Variants in GBP1 observed in about 807,000 individuals in gnomAD.
GBP1 encodes guanylate-binding protein 1.
A neutral mutation model predicts 69.5 loss-of-function variants in GBP1; 64 were observed. That is an observed-to-expected ratio of 0.92 (90% CI 0.75 to 1.13). The LOEUF is 1.13. Among genes scored for constraint, GBP1 ranks in the 50% most tolerant of loss-of-function variants. GBP1 has a pLI of 0.00. For missense variants in GBP1, 630 were observed against 704.1 expected (o/e 0.89, Z 1.19); for synonymous variants, 250 against 261.2 (o/e 0.96, Z 0.41).
At position 89,053,279 on chromosome 1, in the gene GBP1, T is replaced by A. The variant is rs1570933985; in HGVS notation, c.*76A>T. 8 of 1,059,290 alleles carry A rather than the reference T, an allele frequency of 7.6e-6. No homozygotes were observed. In the East Asian group the frequency reaches 1.7e-4, roughly 23 times the overall value. The allele number at this position is 1,059,290 out of a possible 1,614,324, so 65.6% of individuals were successfully genotyped here. A position where few individuals can be genotyped will look rare whatever the true frequency, so the allele number is the denominator to read the frequency against. ...GATGCAAGATCTAATTATTATCAAA[T>A]GTAGTGACGCTTGTTCCAAATTCTA... is the stretch of plus-strand genomic sequence containing the variant. On this transcript the variant is annotated 3_prime_UTR_variant, in exon 11 of 11. Transcript: ENST00000370473.
intron 10 of GBP1, among the ~76,000 whole-genome samples, chr1:89,054,111 AT>A (rs1047924797): frequency 2.8e-4 from 42 of 148,452 alleles, no homozygotes; most frequent in South Asian, 2.7e-3. Flanking sequence ...AGAGATACAG[AT>A]TTTTTTTTTT....
At chr1:89,055,486 T>A in intron 8 of GBP1, 2 of 396,298 alleles carry the variant, frequency 5.0e-6, no homozygotes, top group Non-Finnish European at 9.3e-6. Context: ...AGTTTGGAAC[T>A]GTTAATGCTG....
chr1:89,063,042 C>T lies in GBP1; in HGVS notation c.190+3G>A. 3 of 1,614,032 alleles carry T rather than the reference C, an allele frequency of 1.9e-6. No homozygotes were observed. Among genetic ancestry groups the T allele is most frequent in the Non-Finnish European group, 2.5e-6 (3 of 1,179,926 alleles). On this transcript the variant is annotated splice_donor_region_variant and intron_variant, in intron 2 of 10. Coordinates refer to ENST00000370473, the MANE Select transcript of GBP1 (RefSeq NM_002053.3). ...TTGGCAGAGCTTTGCTCATGCCACTCACCCTTTTTCTTTCCAGCCAGCTTG... is the reference window on the plus strand; with the variant it reads ...TTGGCAGAGCTTTGCTCATGCCACTTACCCTTTTTCTTTCCAGCCAGCTTG...
rs759697957 is a variant in GBP1, at chr1:89,058,900, G to A, written c.572C>T (p.Ala191Val). 8 of 1,614,164 alleles carry A rather than the reference G, an allele frequency of 5.0e-6. No homozygotes were observed. The South Asian group carries it at 6.6e-5, about 13-fold the overall frequency. ...ATCTGGTGTGAGGGGTTGTCCATCT[G>A]CTTCCAAGTCCAGGGAGAAATCTCT... is the stretch of plus-strand genomic sequence containing the variant. ...TLRDFSLDLEADGQPLTPDEY... is the reference protein window; with the variant it reads ...TLRDFSLDLEVDGQPLTPDEY... The change falls in exon 5 of 11, where the codon GCA becomes GTA. Residue 191 changes from alanine (A) to valine (V), a missense_variant. By Grantham distance (64) the Ala-to-Val change is moderately conservative (BLOSUM62 0). Around this residue, in one of 5 missense-constraint regions of GBP1, gnomAD observed 367 missense variants for 369.5 expected, o/e 0.99. Coordinates refer to ENST00000370473, the MANE Select transcript of GBP1 (RefSeq NM_002053.3).
At chr1:89,058,324 G>T in intron 5 of GBP1, 90 bp from the exon 6 acceptor site, 1 of 1,134,642 alleles carries the variant, frequency 8.8e-7, no homozygotes, top group Non-Finnish European at 1.3e-6. Context: ...TCTTCAGGCT[G>T]GATGGTCTCT....
intron 8 of GBP1, 89 bp from the exon 9 acceptor site, chr1:89,055,304 G>A: frequency 6.3e-7 from 1 of 1,580,876 alleles, no homozygotes; most frequent in Non-Finnish European, 8.6e-7. Flanking sequence ...TTCTCCTCTG[G>A]GAATTCTTTC....
intron 4 of GBP1, 102 bp downstream of exon 4, chr1:89,059,215 T>C (rs1680119594): frequency 3.7e-6 from 6 of 1,611,110 alleles, no homozygotes; most frequent in Non-Finnish European, 4.2e-6. Context: ...TTTTGTTTTC[T>C]CCTTTTGAGC....
intron 5 of GBP1, chr1:89,058,487 A>G (rs1007050672): frequency 1.7e-5 from 9 of 519,426 alleles, no homozygotes; most frequent in African/African-American, 1.5e-4. Context: ...TAGTTTGCCA[A>G]TGCTTGGACT....
chr1:89,054,299 A>C (rs998789878), intron 10 of GBP1, among the ~76,000 whole-genome samples: 3 of 152,064 alleles, frequency 2.0e-5, no homozygotes, highest in Non-Finnish European at 4.4e-5. Context: ...ACGGGATTTC[A>C]CCGTGTTAGC....
At position 89,058,124 on chromosome 1, in the gene GBP1, C is replaced by A. The variant is rs1187141735; in HGVS notation, c.742G>T (p.Ala248Ser). 1 of 1,614,082 alleles carries A rather than the reference C, an allele frequency of 6.2e-7. No homozygotes were observed. Among genetic ancestry groups the A allele is most frequent in the East Asian group, 2.2e-5 (1 of 44,880 alleles). The change falls in exon 6 of 11, where the codon GCC becomes TCC. Residue 248 changes from alanine to serine, a missense_variant. By Grantham distance (99) the Ala-to-Ser change is moderately conservative. Around this residue, in one of 5 missense-constraint regions of GBP1, gnomAD observed 367 missense variants for 369.5 expected, o/e 0.99. Transcript: ENST00000370473. Reference sequence around the variant, plus strand: ...TCATCTTGTAGTTTCTCGAGCTGGGCAAGCTTCCTGCGGTGAACGGGCCGA... The same window carrying A: ...TCATCTTGTAGTTTCTCGAGCTGGGAAAGCTTCCTGCGGTGAACGGGCCGA... ...FDRPVHRRKL[A>S]QLEKLQDEEL...
intron 2 of GBP1, among the ~76,000 whole-genome samples, chr1:89,060,953 A>G (rs1021670508): frequency 2.3e-4 from 35 of 152,242 alleles, no homozygotes; most frequent in African/African-American, 4.8e-5. Context: ...GCATCAAAAG[A>G]ATAAACTACT....
intron 2 of GBP1, among the ~76,000 whole-genome samples, chr1:89,061,694 G>A (rs144791178): frequency 6.6e-5 from 10 of 151,876 alleles, no homozygotes; most frequent in Middle Eastern, 3.4e-3. Flanking sequence ...GTGTATTAAC[G>A]GACACTATCA....
rs1231369508 is a variant in GBP1, at chr1:89,063,141, A to G, written c.94T>C (p.Ser32Pro). The G allele has an allele frequency of 6.2e-7, 1 of 1,614,108 alleles. No homozygotes were observed. Among genetic ancestry groups the G allele is most frequent in the South Asian group, 1.1e-5 (1 of 91,086 alleles). ...MANPEALKIL[S>P]AITQPMVVVA... The stretch of plus-strand genomic sequence containing the variant: ...ACCACCATAGGCTGTGTAATGGCAG[A>G]AAGGATCTTCAGAGCTTCTGGATTC... The change falls in exon 2 of 11, where the codon TCT (serine) becomes CCT (proline). Residue 32 changes from serine to proline, a missense_variant. Ser to Pro is a moderately conservative substitution (Grantham distance 74). Transcript: ENST00000370473.
Position 89,059,048 on chromosome 1 carries a change from G to T in GBP1, c.429-5C>A. 6.2e-7 allele frequency: 1 copy of T among 1,614,088 alleles called. No individual in the cohort carries two copies. ...TGTGTCAGCTCTGTCACATAGCTGA[G>T]TAGCTAACTAAGGAAATGTGACAAA... On this transcript the variant is annotated splice_region_variant and splice_polypyrimidine_tract_variant and intron_variant, in intron 4 of 10. Transcript: ENST00000370473.
At chr1:89,056,658 A>G (rs753804600) in intron 7 of GBP1, among the ~76,000 whole-genome samples, 196 bp downstream of exon 7, 3 of 152,202 alleles carry the variant, frequency 2.0e-5, no homozygotes, top group Non-Finnish European at 4.4e-5. Flanking sequence ...AAAATTATTC[A>G]GGAAAAAATG....
chr1:89,060,207 T>C lies in GBP1; in HGVS notation c.308A>G (p.Asp103Gly). The change falls in exon 3 of 11, where the codon GAT becomes GGT. Residue 103 changes from aspartate (D) to glycine (G), a missense_variant. Physicochemically the swap from Asp to Gly is moderately conservative, Grantham distance 94 (BLOSUM62 -1). Transcript: ENST00000370473. ...ATCCTTGAGTCTCACCTTCTCTACA[T>C]CTCCCAGACCCTCGGTGTCCAGCAG... ...LVLLDTEGLG[D>G]VEKGDNQNDS... The C allele has an allele frequency of 6.3e-7, 1 of 1,597,798 alleles. No homozygotes were observed. The highest frequency in any genetic ancestry group is 2.3e-5 in the East Asian group (1 of 43,960).
rs192745189 is a variant in GBP1 at position 89,056,850 on chromosome 1, T to A, written c.1155+4A>T. The stretch of plus-strand genomic sequence containing the variant: ...AAACCGTATACATTTGAGACAAAAA[T>A]TACCGCTAACTCCTTTTGAAATAGA... On this transcript the variant is annotated splice_donor_region_variant and intron_variant, in intron 7 of 10. Coordinates refer to ENST00000370473, the MANE Select transcript of GBP1 (RefSeq NM_002053.3). 901 of 1,613,098 alleles carry A rather than the reference T, an allele frequency of 5.6e-4. 9 individuals are homozygous for A. The African/African-American group carries it at 0.011, about 19-fold the overall frequency.
Position 89,065,162 on chromosome 1 carries a change from G to A in GBP1, c.-22C>T, listed in dbSNP as rs1439397574. ...TGAGAAGTAGTAAAAGTTCTTACCT[G>A]TTCTTTTTCTCCTTAGTTCACGAGC... On this transcript the variant is annotated splice_region_variant and 5_prime_UTR_variant, in exon 1 of 11. Coordinates refer to ENST00000370473, the MANE Select transcript of GBP1 (RefSeq NM_002053.3). 1 of 152,186 alleles carries A rather than the reference G, an allele frequency of 6.6e-6. No homozygotes were observed. The highest frequency in any genetic ancestry group is 2.4e-5 in the African/African-American group (1 of 41,448). 9.4% of individuals were successfully genotyped at this position (152,186 alleles called of 1,614,324 possible).
chr1:89,059,495 G>C, intron 3 of GBP1, 69 bp from the exon 4 acceptor site: 1 of 1,202,858 alleles, frequency 8.3e-7, no homozygotes, highest in Admixed American at 1.9e-5. Flanking sequence ...AGTAACAGTA[G>C]TAAAACTATG....
Sources: gnomAD v4.1 joint callset for allele counts (sites outside exome capture counted in the v4.1 genomes callset) on GRCh38, gnomAD v4.1.1 for gene constraint, gnomAD v4.1.1 regional missense constraint, MANE v1.5 for transcripts, NCBI Gene and HGNC (gene_info 2026-07-23, HGNC 2026-07-21) for gene names.